Variants in ADAMTS6 observed in about 807,000 individuals in gnomAD.
The protein encoded by ADAMTS6 is ADAM metallopeptidase with thrombospondin type 1 motif 6, also known as A disintegrin and metalloproteinase with thrombospondin motifs 6.
A neutral mutation model predicts 144.3 loss-of-function variants in ADAMTS6; 23 were observed. The ratio of observed to expected loss-of-function variants is 0.16; its 90% CI spans 0.11 to 0.23. ADAMTS6 has a LOEUF of 0.23. ADAMTS6 is among the 10% of genes least tolerant of loss of function. ADAMTS6 has a pLI of 1.00. For synonymous variants in ADAMTS6, 444 were observed against 457.5 expected, an observed-to-expected ratio of 0.97 and a Z score of 0.38; for missense variants, 999 against 1,379.6, an observed-to-expected ratio of 0.72 and a Z score of 4.37.
chr5:65,250,987 A>G lies in ADAMTS6; in HGVS notation c.1831-8781T>C, dbSNP rs1760109365. ...TACTTAAAATAGTTACAATATGTAC[A>G]TCAATTTGTATCCTCTTAGAACATT... On this transcript the variant is annotated intron_variant, in intron 14 of 24. Coordinates refer to ENST00000381055, the MANE Select transcript of ADAMTS6 (RefSeq NM_197941.4). 3 of 152,212 alleles carry G rather than the reference A, an allele frequency of 2.0e-5. No homozygotes were observed. The South Asian group carries it at 6.2e-4, about 32-fold the overall frequency. The allele number at this position is 152,212 out of a possible 1,614,324, so 9.4% of individuals were successfully genotyped here.
intron 13 of ADAMTS6, among the ~76,000 whole-genome samples, chr5:65,262,205 T>A (rs1761259795): frequency 6.6e-6 from 1 of 152,176 alleles, no homozygotes; most frequent in East Asian, 1.9e-4. Context: ...CCAGGGGGAC[T>A]CTGGCTGGAG....
chr5:65,360,926 C>T (rs1317131556), intron 7 of ADAMTS6, among the ~76,000 whole-genome samples: 2 of 152,132 alleles, frequency 1.3e-5, no homozygotes, highest in Admixed American at 6.5e-5. Flanking sequence ...TTTTCTAATG[C>T]CCTATAACAT....
At chr5:65,175,609 T>C (rs1753926541) in intron 22 of ADAMTS6, among the ~76,000 whole-genome samples, 2 of 152,026 alleles carry the variant, frequency 1.3e-5, no homozygotes, top group Non-Finnish European at 2.9e-5. Context: ...ATTCAATCTG[T>C]AGGCAACTGC....
At chr5:65,409,904 T>C (rs1187756174) in intron 7 of ADAMTS6, among the ~76,000 whole-genome samples, 1 of 152,192 alleles carries the variant, frequency 6.6e-6, no homozygotes, top group Non-Finnish European at 1.5e-5. Context: ...AACTACATGA[T>C]TATCTCAATA....
At chr5:65,357,379 G>GAAAAA in intron 7 of ADAMTS6, among the ~76,000 whole-genome samples, 1 of 151,350 alleles carries the variant, frequency 6.6e-6, no homozygotes, top group Non-Finnish European at 1.5e-5. Context: ...TTTGTAAGAG[G>GAAAAA]AAAGTATATA....
chr5:65,415,312 T>C (rs1396696016), intron 7 of ADAMTS6: 1 of 154,468 alleles, frequency 6.5e-6, no homozygotes, highest in African/African-American at 2.4e-5. Flanking sequence ...AGGATGGCTA[T>C]AACAAAAAAG....
chr5:65,354,955 T>A (rs1446318479), intron 7 of ADAMTS6, among the ~76,000 whole-genome samples: 3 of 151,860 alleles, frequency 2.0e-5, no homozygotes, highest in African/African-American at 7.2e-5. Context: ...TATGAAGGCA[T>A]ATTTGGCTTG....
At chr5:65,285,358 C>G (rs183082446) in intron 11 of ADAMTS6, among the ~76,000 whole-genome samples, 22 of 152,258 alleles carry the variant, frequency 1.4e-4, no homozygotes, top group African/African-American at 5.3e-4. Flanking sequence ...AAGGTCCTCT[C>G]TCCACTCTCT....
chr5:65,325,987 T>A (rs1340937562), intron 9 of ADAMTS6, among the ~76,000 whole-genome samples: 4 of 152,148 alleles, frequency 2.6e-5, no homozygotes, highest in Non-Finnish European at 2.9e-5. Context: ...ATAATAAAAT[T>A]CAAGATGTTG....
At chr5:65,299,348 T>C (rs530775375) in intron 10 of ADAMTS6, among the ~76,000 whole-genome samples, 2 of 152,264 alleles carry the variant, frequency 1.3e-5, no homozygotes, top group Admixed American at 1.3e-4. Context: ...GTTTCCAAAG[T>C]ACAATCCTGA....
chr5:65,176,679 T>C (rs1359734205), intron 22 of ADAMTS6, among the ~76,000 whole-genome samples: 3 of 152,226 alleles, frequency 2.0e-5, no homozygotes, highest in Non-Finnish European at 2.9e-5. Context: ...TCTTACCTTA[T>C]GGTCTGACAT....
At chr5:65,293,363 A>C (rs1443180080) in intron 10 of ADAMTS6, among the ~76,000 whole-genome samples, 1 of 152,140 alleles carries the variant, frequency 6.6e-6, no homozygotes, top group Non-Finnish European at 1.5e-5. Context: ...TAGGTATCCA[A>C]TAGGCAAAAA....
At chr5:65,306,688 T>A (rs1299687163) in intron 9 of ADAMTS6, among the ~76,000 whole-genome samples, 1 of 152,198 alleles carries the variant, frequency 6.6e-6, no homozygotes, top group African/African-American at 2.4e-5. Flanking sequence ...AAGAATCCTA[T>A]CTGCACCACA....
At chr5:65,460,663 A>G (rs573502647) in intron 3 of ADAMTS6, among the ~76,000 whole-genome samples, 35 of 152,352 alleles carry the variant, frequency 2.3e-4, no homozygotes, top group African/African-American at 8.4e-4. Context: ...CATTATGCAC[A>G]TAACTATGTC....
At chr5:65,337,669 G>A (rs1747434434) in intron 7 of ADAMTS6, among the ~76,000 whole-genome samples, 1 of 151,958 alleles carries the variant, frequency 6.6e-6, no homozygotes, top group Non-Finnish European at 1.5e-5. Flanking sequence ...TAAATTTTAT[G>A]CTATAATAAT....
intron 9 of ADAMTS6, among the ~76,000 whole-genome samples, chr5:65,318,074 CAAAAA>C (rs78876970): frequency 1.6e-5 from 1 of 63,010 alleles, no homozygotes; most frequent in Non-Finnish European, 3.7e-5. Flanking sequence ...GACTCCATCT[CAAAAA>C]AAAAAAAAAA....
intron 18 of ADAMTS6, among the ~76,000 whole-genome samples, chr5:65,220,678 C>T (rs1042964607): frequency 1.3e-5 from 2 of 151,894 alleles, no homozygotes; most frequent in Non-Finnish European, 2.9e-5. Context: ...ACCTGGGAGG[C>T]GGTGCTTGCA....
intron 16 of ADAMTS6, among the ~76,000 whole-genome samples, 198 bp from the exon 17 acceptor site, chr5:65,225,245 A>C (rs984915901): frequency 6.6e-6 from 1 of 152,226 alleles, no homozygotes; most frequent in Non-Finnish European, 1.5e-5. Flanking sequence ...CTTTTTCTTC[A>C]AGAAAATAAA....
intron 24 of ADAMTS6, 102 bp downstream of exon 24, chr5:65,170,515 C>T: frequency 7.5e-7 from 1 of 1,342,084 alleles, no homozygotes; most frequent in Non-Finnish European, 1.0e-6. Flanking sequence ...ATGCTCTACT[C>T]AAACTACACT....
Sources: allele counts gnomAD v4.1 joint callset (sites outside exome capture counted in the v4.1 genomes callset), GRCh38; gene constraint gnomAD v4.1.1; transcripts MANE v1.5; gene names NCBI Gene and HGNC (gene_info 2026-07-23, HGNC 2026-07-21).